Variants in ABI2 observed in about 807,000 individuals in gnomAD.
ABI2 encodes abelson interactor 2.
Under a neutral mutation model 59.2 loss-of-function variants are expected in ABI2, and 25 were observed. The ratio of observed to expected loss-of-function variants is 0.42; its 90% CI spans 0.31 to 0.59. ABI2 has a LOEUF of 0.59. Ranked by LOEUF, ABI2 falls within the 20% of genes least tolerant of loss-of-function variation. The pLI is 0.14. For missense variants in ABI2, 545 were observed against 681.8 expected (o/e 0.80, Z 2.23); for synonymous variants, 213 against 235.5 (o/e 0.90, Z 0.87).
At chr2:203,345,477 C>G (rs1449623488) in intron 1 of ABI2, among the ~76,000 whole-genome samples, 1 of 152,194 alleles carries the variant, frequency 6.6e-6, no homozygotes, top group East Asian at 1.9e-4. Flanking sequence ...CGGACACAAT[C>G]TTAGCTCACT....
In ABI2 at chr2:203,355,701, C is replaced by A. The variant is rs187145048; in HGVS notation, c.118-11176C>A. Among the ~76,000 whole-genome samples, 10 of 151,716 alleles carry A rather than the reference C, an allele frequency of 6.6e-5. No individual in the cohort carries two copies. The East Asian group carries it at 1.6e-3, about 24-fold the overall frequency. Reference sequence around the variant, plus strand: ...ACAGAATTAGGCAGGCATGGTGGCGCACGCCTGTAATCCCAGCTACTCGGG... The same window carrying A: ...ACAGAATTAGGCAGGCATGGTGGCGAACGCCTGTAATCCCAGCTACTCGGG... On this transcript the variant is annotated intron_variant, in intron 1 of 11. Coordinates refer to ENST00000261018, the MANE Select transcript of ABI2 (RefSeq NM_001375670.1).
intron 8 of ABI2, among the ~76,000 whole-genome samples, chr2:203,399,063 G>A (rs2097118041): frequency 6.6e-6 from 1 of 152,104 alleles, no homozygotes; most frequent in Admixed American, 6.6e-5. Flanking sequence ...TAAATACCTA[G>A]GGAATAGAAT....
chr2:203,397,167 C>A (rs1380398483), intron 8 of ABI2, among the ~76,000 whole-genome samples, 200 bp downstream of exon 8: 1 of 152,010 alleles, frequency 6.6e-6, no homozygotes, highest in Non-Finnish European at 1.5e-5. Flanking sequence ...TACATTTTTC[C>A]AATAGGGTAG....
At chr2:203,334,625 C>T (rs2075602333) in intron 1 of ABI2, among the ~76,000 whole-genome samples, 1 of 151,846 alleles carries the variant, frequency 6.6e-6, no homozygotes, top group Non-Finnish European at 1.5e-5. Flanking sequence ...CCATTTGACT[C>T]TACCTTGTGA....
chr2:203,352,695 T>C (rs973659395), intron 1 of ABI2, among the ~76,000 whole-genome samples: 1 of 152,222 alleles, frequency 6.6e-6, no homozygotes, highest in Non-Finnish European at 1.5e-5. Context: ...TAATTTATTA[T>C]TGGAGAGAGA....
chr2:203,339,629 TA>T (rs1481412498), intron 1 of ABI2, among the ~76,000 whole-genome samples: 1 of 149,542 alleles, frequency 6.7e-6, no homozygotes, highest in African/African-American at 2.5e-5. Context: ...CAGTTCTCCC[TA>T]AAATTAAAAA....
At chr2:203,423,092 C>T (rs570237719) in intron 11 of ABI2, among the ~76,000 whole-genome samples, 2 of 152,286 alleles carry the variant, frequency 1.3e-5, no homozygotes, top group East Asian at 3.9e-4. Flanking sequence ...TAATACCCTA[C>T]AATATTTGGT....
Position 203,390,203 on chromosome 2 carries a change from A to G in ABI2, c.481-843A>G, listed in dbSNP as rs1231819354. ...TAAATCTGACTTATAAGGCTGGCCC[A>G]CAATTTAAAAAACTAAAATTTTCTG... On this transcript the variant is annotated intron_variant, in intron 4 of 11. Coordinates refer to ENST00000261018, the MANE Select transcript of ABI2 (RefSeq NM_001375670.1). Among the ~76,000 whole-genome samples the G allele has an allele frequency of 3.3e-5, 5 of 152,248 alleles. No individual in the cohort carries two copies. In the South Asian group the frequency reaches 8.3e-4, roughly 25 times the overall value.
At chr2:203,329,036 A>G (rs931042145) in intron 1 of ABI2, 2 of 161,728 alleles carry the variant, frequency 1.2e-5, no homozygotes, top group Admixed American at 1.3e-4. Flanking sequence ...CCATCCCCCA[A>G]ATTCTGGATG....
intron 9 of ABI2, among the ~76,000 whole-genome samples, chr2:203,405,571 T>TC (rs2097387824): frequency 6.6e-6 from 1 of 152,064 alleles, no homozygotes; most frequent in South Asian, 2.1e-4. Context: ...ATTATGTAAG[T>TC]CTCCTGTATT....
chr2:203,352,414 T>C (rs1370671517), intron 1 of ABI2, among the ~76,000 whole-genome samples: 1 of 152,158 alleles, frequency 6.6e-6, no homozygotes. Flanking sequence ...GGCATTGTTA[T>C]CAGAGGAGAT....
chr2:203,353,943 C>T (rs2090450629), intron 1 of ABI2, among the ~76,000 whole-genome samples: 1 of 152,138 alleles, frequency 6.6e-6, no homozygotes, highest in African/African-American at 2.4e-5. Context: ...TTCCTATCTT[C>T]TTAACATGTA....
intron 1 of ABI2, among the ~76,000 whole-genome samples, chr2:203,354,915 C>T (rs989761447): frequency 6.6e-6 from 1 of 152,194 alleles, no homozygotes; most frequent in African/African-American, 2.4e-5. Context: ...AGTACCTCTG[C>T]TCACATGAGT....
At chr2:203,398,437 TA>T (rs2097093634) in intron 8 of ABI2, among the ~76,000 whole-genome samples, 1 of 152,246 alleles carries the variant, frequency 6.6e-6, no homozygotes, top group Admixed American at 6.5e-5. Flanking sequence ...TGTGAGGGGA[TA>T]ATTAACTGTG....
chr2:203,400,557 A>T (rs1192775993), intron 8 of ABI2, among the ~76,000 whole-genome samples: 2 of 152,176 alleles, frequency 1.3e-5, no homozygotes, highest in Non-Finnish European at 2.9e-5. Flanking sequence ...ATCATAGTTT[A>T]TATGTTTTCA....
intron 10 of ABI2, among the ~76,000 whole-genome samples, chr2:203,415,929 T>A (rs2060827): frequency 0.66 from 100,602 of 152,108 alleles, 36,230 homozygotes; most frequent in Middle Eastern, 0.84. Flanking sequence ...GTGAGATATT[T>A]TAAATTACTC....
chr2:203,360,423 A>C (rs918668572), intron 1 of ABI2, among the ~76,000 whole-genome samples: 3 of 152,094 alleles, frequency 2.0e-5, no homozygotes, highest in Non-Finnish European at 2.9e-5. Flanking sequence ...TAGATTTTTG[A>C]GAAGCTGGAA....
rs965369582 is a variant in ABI2 at position 203,415,097 on chromosome 2, A to T, written c.1280-1811A>T. On this transcript the variant is annotated intron_variant, in intron 10 of 11. Coordinates refer to ENST00000261018, the MANE Select transcript of ABI2 (RefSeq NM_001375670.1). ...TCAGTCTTTTTATCTTACAAATGGAAATAGGATAAATTTCTCTTTCTCACC... is the reference window on the plus strand; with the variant it reads ...TCAGTCTTTTTATCTTACAAATGGATATAGGATAAATTTCTCTTTCTCACC... 9.8e-5 allele frequency among the ~76,000 whole-genome samples: 15 copies of T among 152,344 alleles called. No homozygotes were observed. In the South Asian group the frequency reaches 2.9e-3, roughly 29 times the overall value.
At chr2:203,364,428 C>T (rs2094078333) in intron 1 of ABI2, among the ~76,000 whole-genome samples, 1 of 152,120 alleles carries the variant, frequency 6.6e-6, no homozygotes, top group South Asian at 2.1e-4. Context: ...AGGAATTGAA[C>T]CCGGGTCTCC....
Sources: gnomAD v4.1 joint callset for allele counts (sites outside exome capture counted in the v4.1 genomes callset) on GRCh38, gnomAD v4.1.1 for gene constraint, MANE v1.5 for transcripts, NCBI Gene and HGNC (gene_info 2026-07-23, HGNC 2026-07-21) for gene names.